LARS1: variants seen among roughly 807,000 people sequenced by gnomAD.
LARS1 encodes leucyl-tRNA synthetase 1, also known as leucine--tRNA ligase, cytoplasmic.
In LARS1, 100 loss-of-function variants were observed where a neutral mutation model predicts 162.8. The observed-to-expected ratio is 0.61, with a 90% CI of 0.52 to 0.73. The LOEUF is 0.73. LARS1 is among the 30% of genes least tolerant of loss of function. The pLI is 0.00. For missense variants in LARS1, 1,258 were observed against 1,408.9 expected, an observed-to-expected ratio of 0.89 and a Z score of 1.71; for synonymous variants, 457 against 462.8, an observed-to-expected ratio of 0.99 and a Z score of 0.16.
chr5:146,153,473 T>A (rs1009546423), intron 12 of LARS1, among the ~76,000 whole-genome samples: 2 of 152,178 alleles, frequency 1.3e-5, no homozygotes, highest in African/African-American at 2.4e-5. Context: ...AAAATGTACA[T>A]AGACATACAC....
Position 146,118,106 on chromosome 5 carries a change from T to C in LARS1, c.3325+2265A>G, listed in dbSNP as rs559910069. ...AGCACTATTCACAATAGCCAAGATA[T>C]GCAATCAACCTAAGTGTCCATCAAC... On this transcript the variant is annotated intron_variant, in intron 31 of 31. Coordinates refer to ENST00000394434, the MANE Select transcript of LARS1 (RefSeq NM_020117.11). 2.6e-5 allele frequency among the ~76,000 whole-genome samples: 4 copies of C among 152,274 alleles called. No individual in the cohort carries two copies. The South Asian group carries it at 8.3e-4, about 32-fold the overall frequency.
chr5:146,125,152 T>C (rs1319692260), intron 28 of LARS1, among the ~76,000 whole-genome samples: 1 of 152,058 alleles, frequency 6.6e-6, no homozygotes, highest in Non-Finnish European at 1.5e-5. Flanking sequence ...TGGATCCACA[T>C]GTTGACAGAG....
rs773903431 is a variant in LARS1 at position 146,160,443 on chromosome 5, T to C, written c.638A>G (p.Tyr213Cys). The C allele has an allele frequency of 1.3e-6, 2 of 1,586,470 alleles. No individual in the cohort carries two copies. Among genetic ancestry groups the C allele is most frequent in the African/African-American group, 2.7e-5 (2 of 73,656 alleles). ...RSFITTDVNP[Y>C]YDSFVRWQFL... is the part of the protein sequence containing the mutation. ...TTGCCATCTGACAAATGAATCATAG[T>C]AAGGATTAACATCAGTGGTGATGAA... The change falls in exon 7 of 32, where the codon TAC (tyrosine) becomes TGC (cysteine). Residue 213 changes from tyrosine (Y) to cysteine (C), a missense_variant. Tyr to Cys is a radical substitution (Grantham distance 194, BLOSUM62 -2). Transcript: ENST00000394434.
intron 5 of LARS1, among the ~76,000 whole-genome samples, chr5:146,165,746 TAC>T (rs750562216): frequency 3.3e-5 from 5 of 151,856 alleles, no homozygotes; most frequent in African/African-American, 9.7e-5. Flanking sequence ...CAAAAAGAAT[TAC>T]ACACAAACAC....
chr5:146,127,005 T>C (rs375731649), intron 27 of LARS1, among the ~76,000 whole-genome samples: 2 of 152,190 alleles, frequency 1.3e-5, no homozygotes, highest in South Asian at 2.1e-4. Context: ...CATTTCTATC[T>C]ACTCAAAAAT....
At position 146,114,124 on chromosome 5, in the gene LARS1, T is replaced by C; in HGVS notation, c.3513A>G (p.Ile1171Met). ...CATGAGTTTAATGAACCAGATAGAT[T>C]ATTGTATCGCCAATATCCACCCTTA... Reference protein sequence around the residue: ...NGIRVDIGDTIIYLVH With the variant: ...NGIRVDIGDTMIYLVH The change falls in exon 32 of 32, where the codon ATA (isoleucine) becomes ATG (methionine). Residue 1171 changes from isoleucine (I) to methionine (M), a missense_variant. Coordinates refer to ENST00000394434, the MANE Select transcript of LARS1 (RefSeq NM_020117.11). 1 of 1,613,188 alleles carries C rather than the reference T, an allele frequency of 6.2e-7. No homozygotes were observed. Among genetic ancestry groups the C allele is most frequent in the South Asian group, 1.1e-5 (1 of 91,030 alleles).
chr5:146,167,393 A>G, intron 5 of LARS1, among the ~76,000 whole-genome samples: 1 of 152,132 alleles, frequency 6.6e-6, no homozygotes, highest in Admixed American at 6.5e-5. Context: ...GAAATAGGAA[A>G]GTCAGAAAGA....
rs34658033 is a variant in LARS1 at position 146,181,848 on chromosome 5, CTTTTTTTTTTTTTTTT to C, written c.6+624_6+639del. Reference sequence around the variant, plus strand: ...TTTACGGAGAGGCGCTCAATTTTTTCTTTTTTTTTTTTTTTTTTTTTTTTTTTTTTTGCTGTAAGTA... The same window carrying C: ...TTTACGGAGAGGCGCTCAATTTTTTCTTTTTTTTTTTTTTTGCTGTAAGTA... On this transcript the variant is annotated intron_variant, in intron 1 of 31. Coordinates refer to ENST00000394434, the MANE Select transcript of LARS1 (RefSeq NM_020117.11). Among the ~76,000 whole-genome samples, 542 of 53,062 alleles carry C rather than the reference CTTTTTTTTTTTTTTTT, an allele frequency of 0.01. 23 individuals are homozygous for C. In the Admixed American group the frequency reaches 0.14, roughly 13 times the overall value. The allele number at this position is 53,062 out of a possible 152,430, so 34.8% of individuals were successfully genotyped here. A position where few individuals can be genotyped will look rare whatever the true frequency, so the allele number is the denominator to read the frequency against.
At chr5:146,151,275 TA>T (rs1178470049) in intron 14 of LARS1, among the ~76,000 whole-genome samples, 1 of 152,140 alleles carries the variant, frequency 6.6e-6, no homozygotes, top group Non-Finnish European at 1.5e-5. Flanking sequence ...AAAGCTAAAC[TA>T]AAAAACATTC....
chr5:146,176,540 G>GTT (rs1368325004), intron 2 of LARS1, among the ~76,000 whole-genome samples: 1 of 151,490 alleles, frequency 6.6e-6, no homozygotes, highest in Admixed American at 6.6e-5. Flanking sequence ...CTAGCACACA[G>GTT]TAAGTGTTCA....
chr5:146,142,646 GC>G, intron 20 of LARS1: 1 of 467,016 alleles, frequency 2.1e-6, no homozygotes, highest in Non-Finnish European at 3.8e-6. Flanking sequence ...GACCAGCAAT[GC>G]ACCTGAGATA....
chr5:146,116,123 TC>T (rs1273071403), intron 31 of LARS1, among the ~76,000 whole-genome samples: 1 of 152,044 alleles, frequency 6.6e-6, no homozygotes, highest in Non-Finnish European at 1.5e-5. Flanking sequence ...GACCATACAA[TC>T]TATTCCCAGA....
At chr5:146,151,561 T>A (rs148419136) in intron 14 of LARS1, among the ~76,000 whole-genome samples, 16 of 152,334 alleles carry the variant, frequency 1.1e-4, no homozygotes, top group East Asian at 7.7e-4. Context: ...GTATTCTCCA[T>A]TCAATAAATC....
intron 10 of LARS1, among the ~76,000 whole-genome samples, chr5:146,155,213 C>T (rs114596545): frequency 8.5e-5 from 13 of 152,248 alleles, no homozygotes; most frequent in African/African-American, 3.1e-4. Flanking sequence ...CATGAGTACA[C>T]TAATACATTG....
At position 146,172,424 on chromosome 5, in the gene LARS1, A is replaced by G. The variant is rs11952228; in HGVS notation, c.213+263T>C. On this transcript the variant is annotated intron_variant, in intron 3 of 31. Coordinates refer to ENST00000394434, the MANE Select transcript of LARS1 (RefSeq NM_020117.11). ...CCAGCTACTCGGGAGGCTGAGGCAG[A>G]AGAATCACTTGAACCCAGGAGGCAG... Among the ~76,000 whole-genome samples the G allele has an allele frequency of 0.22, 33,811 of 151,812 alleles. 4,819 individuals carry two copies. Among genetic ancestry groups the G allele is most frequent in the Admixed American group, 0.34 (5,099 of 15,216 alleles).
chr5:146,182,405 C>G (rs926099443), intron 1 of LARS1, 83 bp downstream of exon 1: 7 of 1,567,770 alleles, frequency 4.5e-6, no homozygotes, highest in Non-Finnish European at 6.2e-6. Context: ...AGGACTTTCC[C>G]TTCAGGACAG....
intron 14 of LARS1, among the ~76,000 whole-genome samples, chr5:146,150,172 C>CCT (rs1554129781): frequency 6.6e-5 from 10 of 151,900 alleles, no homozygotes; most frequent in Admixed American, 4.6e-4. Context: ...TCACCTCTAT[C>CCT]TTTTTCAGTA....
intron 2 of LARS1, among the ~76,000 whole-genome samples, chr5:146,176,827 G>A (rs1754600370): frequency 6.6e-6 from 1 of 151,910 alleles, no homozygotes; most frequent in Non-Finnish European, 1.5e-5. Context: ...TAAGCATTAG[G>A]TTTACTTGTA....
chr5:146,135,096 C>T (rs888914305), intron 22 of LARS1, among the ~76,000 whole-genome samples: 5 of 151,798 alleles, frequency 3.3e-5, no homozygotes, highest in South Asian at 2.1e-4. Context: ...CTCCGCCTCC[C>T]GGGTTCAAGC....
Sources: gnomAD v4.1 joint callset for allele counts (sites outside exome capture counted in the v4.1 genomes callset) on GRCh38, gnomAD v4.1.1 for gene constraint, MANE v1.5 for transcripts, NCBI Gene and HGNC (gene_info 2026-07-23, HGNC 2026-07-21) for gene names.